The following DCC variants were observed in gnomAD, a reference collection of about 807,000 sequenced individuals.
DCC encodes the protein netrin receptor DCC.
In DCC, 58 loss-of-function variants were observed where a neutral mutation model predicts 172.5. The observed-to-expected ratio is 0.34, with a 90% CI of 0.27 to 0.42. DCC has a LOEUF of 0.42. Among genes scored for constraint, DCC ranks in the 10% least tolerant of loss-of-function variants. DCC has a pLI of 1.00. For synonymous variants in DCC, 709 were observed against 644.5 expected, an observed-to-expected ratio of 1.10 and a Z score of -1.52; for missense variants, 1,740 against 1,791.0, an observed-to-expected ratio of 0.97 and a Z score of 0.51.
intron 1 of DCC, among the ~76,000 whole-genome samples, chr18:52,692,344 A>G (rs1007309118): frequency 6.6e-6 from 1 of 152,158 alleles, no homozygotes; most frequent in African/African-American, 2.4e-5. Flanking sequence ...CCTTCTCACC[A>G]GATTAGTACC....
At chr18:53,254,223 T>C (rs1046943143) in intron 12 of DCC, among the ~76,000 whole-genome samples, 1 of 152,054 alleles carries the variant, frequency 6.6e-6, no homozygotes, top group African/African-American at 2.4e-5. Context: ...CAAGCTGCCA[T>C]GGTTCTTTGC....
chr18:52,417,264 C>T (rs945823295), intron 1 of DCC, among the ~76,000 whole-genome samples: 10 of 152,248 alleles, frequency 6.6e-5, no homozygotes, highest in African/African-American at 2.4e-4. Flanking sequence ...ATGGGCTTCC[C>T]TTGTGGGTAA....
chr18:53,461,325 C>A (rs2045557082), intron 24 of DCC, among the ~76,000 whole-genome samples: 1 of 151,588 alleles, frequency 6.6e-6, no homozygotes, highest in Non-Finnish European at 1.5e-5. Flanking sequence ...GTTGCCATTG[C>A]TTTTGGTGTT....
intron 11 of DCC, 60 bp from the exon 12 acceptor site, chr18:53,215,488 G>A (rs577800720): frequency 7.9e-7 from 1 of 1,261,108 alleles, no homozygotes; most frequent in Non-Finnish European, 1.2e-6. Context: ...TACTAGACAG[G>A]TGGTATTTTT....
intron 2 of DCC, among the ~76,000 whole-genome samples, chr18:52,766,449 C>T (rs1599088320): frequency 1.3e-5 from 2 of 152,020 alleles, no homozygotes; most frequent in African/African-American, 4.8e-5. Flanking sequence ...TCTTGTCCAG[C>T]ATCCAGGAAA....
In DCC at chr18:52,359,283, G is replaced by A. The variant is rs550991326; in HGVS notation, c.91+18405G>A. 2.6e-5 allele frequency among the ~76,000 whole-genome samples: 4 copies of A among 152,216 alleles called. No individual in the cohort carries two copies. In the South Asian group the frequency reaches 8.3e-4, roughly 32 times the overall value. On this transcript the variant is annotated intron_variant, in intron 1 of 28. Coordinates refer to ENST00000442544, the MANE Select transcript of DCC (RefSeq NM_005215.4). ...ACAAAAATGTAGACTAATAATAATG[G>A]TTAATATTTATGAAATTGTATGGTT... is the stretch of plus-strand genomic sequence containing the variant.
At chr18:52,954,811 AAATATTCT>A (rs1425122042) in intron 5 of DCC, among the ~76,000 whole-genome samples, 1 of 152,186 alleles carries the variant, frequency 6.6e-6, no homozygotes, top group Admixed American at 6.5e-5. Flanking sequence ...GGAGTTGTAT[AAATATTCT>A]AATTTCAATT....
At chr18:53,008,608 T>G (rs1428804762) in intron 5 of DCC, among the ~76,000 whole-genome samples, 1 of 152,012 alleles carries the variant, frequency 6.6e-6, no homozygotes, top group Non-Finnish European at 1.5e-5. Context: ...CTGTGTAACT[T>G]TTTTTGAAAT....
At chr18:52,947,818 A>G (rs1414438311) in intron 5 of DCC, among the ~76,000 whole-genome samples, 1 of 152,146 alleles carries the variant, frequency 6.6e-6, no homozygotes, top group Non-Finnish European at 1.5e-5. Flanking sequence ...CAACATTGAC[A>G]TTGCACGTTC....
chr18:52,485,825 A>G (rs2144592782), intron 1 of DCC, among the ~76,000 whole-genome samples: 1 of 152,286 alleles, frequency 6.6e-6, no homozygotes, highest in East Asian at 1.9e-4. Context: ...ATAATTCAAC[A>G]GTGGAATATG....
At chr18:52,705,243 T>C (rs1253821858) in intron 1 of DCC, among the ~76,000 whole-genome samples, 1 of 152,194 alleles carries the variant, frequency 6.6e-6, no homozygotes, top group Non-Finnish European at 1.5e-5. Flanking sequence ...TCTCCTAATA[T>C]GATTCCTAAA....
chr18:53,097,818 G>C (rs182165118), intron 7 of DCC, among the ~76,000 whole-genome samples: 1 of 152,102 alleles, frequency 6.6e-6, no homozygotes, highest in East Asian at 1.9e-4. Flanking sequence ...TACTGAAACA[G>C]AGAGAGAGAG....
chr18:52,731,208 A>T (rs1214487011), intron 1 of DCC, among the ~76,000 whole-genome samples: 1 of 152,212 alleles, frequency 6.6e-6, no homozygotes. Flanking sequence ...ACACTGTGTA[A>T]TTAATGTTTC....
At chr18:53,450,318 T>C (rs11874018) in intron 22 of DCC, among the ~76,000 whole-genome samples, 182 bp from the exon 23 acceptor site, 73,279 of 151,818 alleles carry the variant, frequency 0.48, 18,743 homozygotes, top group Non-Finnish European at 0.58. Context: ...CATAGGTTTT[T>C]ATTTATATTG....
intron 5 of DCC, among the ~76,000 whole-genome samples, chr18:52,928,103 T>C (rs1348878226): frequency 6.6e-6 from 1 of 152,140 alleles, no homozygotes; most frequent in African/African-American, 2.4e-5. Context: ...AACAAGATCA[T>C]GGCCTTTGCT....
At chr18:53,047,221 A>G (rs771258582) in intron 5 of DCC, among the ~76,000 whole-genome samples, 7 of 112,042 alleles carry the variant, frequency 6.2e-5, no homozygotes, top group Non-Finnish European at 1.1e-4. Context: ...CTGGTGAGCC[A>G]TCCCTGCAGG....
At chr18:52,939,942 TAATGTGTATTTCTC>T (rs377154629) in intron 5 of DCC, among the ~76,000 whole-genome samples, 4,443 of 152,284 alleles carry the variant, frequency 0.029, 87 homozygotes, top group Middle Eastern at 0.071. Flanking sequence ...AATCTTTGTA[TAATGTGTATTTCTC>T]AATGTGTGGT....
chr18:53,320,417 A>G (rs1419518560), intron 13 of DCC, among the ~76,000 whole-genome samples: 1 of 152,224 alleles, frequency 6.6e-6, no homozygotes, highest in Non-Finnish European at 1.5e-5. Context: ...AAATAAGAGC[A>G]TTATGAAAGT....
intron 2 of DCC, among the ~76,000 whole-genome samples, chr18:52,904,004 GAC>G (rs1486300039): frequency 6.6e-6 from 1 of 152,234 alleles, no homozygotes; most frequent in Admixed American, 6.5e-5. Context: ...ATGCAGCACA[GAC>G]ACAGATTAGT....
Sources: allele counts gnomAD v4.1 joint callset (sites outside exome capture counted in the v4.1 genomes callset), GRCh38; gene constraint gnomAD v4.1.1; transcripts MANE v1.5; gene names NCBI Gene and HGNC (gene_info 2026-07-23, HGNC 2026-07-21).